Variants in ELMOD1 observed in about 807,000 individuals in gnomAD.
ELMOD1 encodes the protein ELMO domain containing 1.
ELMOD1 carries 21 observed loss-of-function variants against 46.7 expected under a neutral mutation model. The observed-to-expected ratio is 0.45, with a 90% CI of 0.32 to 0.65. The LOEUF (loss-of-function observed/expected upper bound fraction) is 0.65. Among genes scored for constraint, ELMOD1 ranks in the 30% least tolerant of loss-of-function variants. ELMOD1 has a pLI of 0.04. For synonymous variants in ELMOD1, 122 were observed against 138.2 expected (o/e 0.88, Z 0.82); for missense variants, 348 against 407.8 (o/e 0.85, Z 1.26).
intron 11 of ELMOD1, among the ~76,000 whole-genome samples, chr11:107,664,186 C>T (rs1866795750): frequency 6.6e-6 from 1 of 151,238 alleles, no homozygotes; most frequent in Non-Finnish European, 1.5e-5. Flanking sequence ...TCCTTAAGTA[C>T]TTTTCTTTCT....
intron 1 of ELMOD1, among the ~76,000 whole-genome samples, chr11:107,612,414 C>G (rs541806427): frequency 1.3e-5 from 2 of 152,314 alleles, no homozygotes; most frequent in South Asian, 4.1e-4. Context: ...ACTATGCTCA[C>G]TACCTGGGTG....
At chr11:107,621,583 G>A (rs1172604564) in intron 2 of ELMOD1, among the ~76,000 whole-genome samples, 1 of 91,872 alleles carries the variant, frequency 1.1e-5, no homozygotes, top group East Asian at 3.7e-4. Context: ...TACAAAGGAG[G>A]ACAAGGAGGC....
At chr11:107,622,044 G>C (rs367739118) in intron 2 of ELMOD1, among the ~76,000 whole-genome samples, 6 of 152,196 alleles carry the variant, frequency 3.9e-5, no homozygotes, top group African/African-American at 1.4e-4. Flanking sequence ...AAATGAATGT[G>C]AGACGTCTCT....
At chr11:107,632,574 C>T (rs980035944) in intron 5 of ELMOD1, among the ~76,000 whole-genome samples, 5 of 152,110 alleles carry the variant, frequency 3.3e-5, no homozygotes, top group East Asian at 1.9e-4. Context: ...CTTTAGCAGC[C>T]GCTTCAGTTC....
At chr11:107,616,630 C>T (rs539272944) in intron 1 of ELMOD1, among the ~76,000 whole-genome samples, 2 of 152,326 alleles carry the variant, frequency 1.3e-5, no homozygotes, top group South Asian at 2.1e-4. Context: ...CTGCCTGCCT[C>T]GGTTTCCCAA....
intron 2 of ELMOD1, among the ~76,000 whole-genome samples, chr11:107,622,687 A>G (rs72990739): frequency 0.049 from 7,478 of 152,254 alleles, 249 homozygotes; most frequent in African/African-American, 0.097. Flanking sequence ...CCCACTTTCC[A>G]TTGCTTTTGA....
intron 1 of ELMOD1, among the ~76,000 whole-genome samples, chr11:107,617,231 G>A (rs1183942940): frequency 3.3e-5 from 5 of 152,046 alleles, no homozygotes; most frequent in Non-Finnish European, 7.4e-5. Context: ...GCTTTTATTC[G>A]AGCTAAGTAT....
At position 107,664,332 on chromosome 11, in the gene ELMOD1, C is replaced by T. The variant is rs1866799068; in HGVS notation, c.833-693C>T. On this transcript the variant is annotated intron_variant, in intron 11 of 11. Transcript: ENST00000265840. ...AAACAAATGTGGTAGTGGGAGGGGGCATAATGGGGAACAAAGCACAATGAA... is the reference window on the plus strand; with the variant it reads ...AAACAAATGTGGTAGTGGGAGGGGGTATAATGGGGAACAAAGCACAATGAA... Among the ~76,000 whole-genome samples the T allele has an allele frequency of 2.6e-5, 4 of 151,700 alleles. No individual in the cohort carries two copies. The South Asian group carries it at 8.3e-4, about 32-fold the overall frequency.
At chr11:107,629,218 A>G (rs1866095502) in intron 2 of ELMOD1, among the ~76,000 whole-genome samples, 1 of 152,242 alleles carries the variant, frequency 6.6e-6, no homozygotes, top group African/African-American at 2.4e-5. Flanking sequence ...ATTTAAGGAA[A>G]GGAACACGGT....
chr11:107,647,899 A>G (rs1591132267), intron 7 of ELMOD1, among the ~76,000 whole-genome samples: 1 of 152,220 alleles, frequency 6.6e-6, no homozygotes, highest in African/African-American at 2.4e-5. Context: ...ACACCCTTGT[A>G]TTGATCATCC....
intron 5 of ELMOD1, 86 bp downstream of exon 5, chr11:107,631,763 T>C (rs1207200970): frequency 3.7e-5 from 24 of 644,546 alleles, no homozygotes; most frequent in Non-Finnish European, 5.7e-5. Context: ...TCTCTTTTTT[T>C]TTCTCCCTCT....
At chr11:107,620,976 C>A (rs1327559461) in intron 2 of ELMOD1, among the ~76,000 whole-genome samples, 1 of 152,164 alleles carries the variant, frequency 6.6e-6, no homozygotes, top group East Asian at 1.9e-4. Flanking sequence ...CCAGCTAGAA[C>A]AAAAGCTTAG....
chr11:107,602,846 C>A (rs1047640035), intron 1 of ELMOD1, among the ~76,000 whole-genome samples: 1 of 138,674 alleles, frequency 7.2e-6, no homozygotes, highest in Non-Finnish European at 1.5e-5. Flanking sequence ...CTAAAATGTT[C>A]TCTGTGCACA....
chr11:107,638,747 G>C (rs1050783588), intron 6 of ELMOD1, among the ~76,000 whole-genome samples: 2 of 152,174 alleles, frequency 1.3e-5, no homozygotes, highest in African/African-American at 4.8e-5. Context: ...TTTGTGTATG[G>C]TGTTTACGGC....
At chr11:107,620,856 C>A (rs1291392826) in intron 2 of ELMOD1, among the ~76,000 whole-genome samples, 1 of 152,078 alleles carries the variant, frequency 6.6e-6, no homozygotes, top group Non-Finnish European at 1.5e-5. Flanking sequence ...GAGCGAGACT[C>A]CGTCTCAAAA....
chr11:107,597,878 G>A (rs1198060176), intron 1 of ELMOD1, among the ~76,000 whole-genome samples: 1 of 152,136 alleles, frequency 6.6e-6, no homozygotes, highest in African/African-American at 2.4e-5. Flanking sequence ...ATGATGATAT[G>A]TATTTTGAGT....
chr11:107,664,409 A>G (rs1295630611), intron 11 of ELMOD1, among the ~76,000 whole-genome samples: 2 of 152,218 alleles, frequency 1.3e-5, no homozygotes, highest in African/African-American at 4.8e-5. Context: ...GTTTCAATCC[A>G]GATCACTCGT....
intron 1 of ELMOD1, among the ~76,000 whole-genome samples, chr11:107,595,565 T>C (rs1865478819): frequency 6.6e-6 from 1 of 152,084 alleles, no homozygotes; most frequent in African/African-American, 2.4e-5. Context: ...TCAATGACAG[T>C]TTATGTGGAA....
At chr11:107,593,408 T>C (rs1232403340) in intron 1 of ELMOD1, among the ~76,000 whole-genome samples, 1 of 152,208 alleles carries the variant, frequency 6.6e-6, no homozygotes, top group East Asian at 1.9e-4. Context: ...AATTGTATTA[T>C]AAGAAAAATT....
Sources: allele counts gnomAD v4.1 joint callset (sites outside exome capture counted in the v4.1 genomes callset), GRCh38; gene constraint gnomAD v4.1.1; transcripts MANE v1.5; gene names NCBI Gene and HGNC (gene_info 2026-07-23, HGNC 2026-07-21).